The following CTSS variants were observed in gnomAD, a reference collection of about 807,000 sequenced individuals.
CTSS encodes the protein cathepsin S.
Under a neutral mutation model 39.9 loss-of-function variants are expected in CTSS, and 15 were observed. The ratio of observed to expected loss-of-function variants is 0.38; its 90% CI spans 0.25 to 0.58. The LOEUF is 0.58. Ranked by LOEUF, CTSS falls within the 20% of genes least tolerant of loss-of-function variation. CTSS has a pLI of 0.70. For synonymous variants in CTSS, 126 were observed against 138.2 expected (o/e 0.91, Z 0.62); for missense variants, 250 against 398.2 (o/e 0.63, Z 3.17).
chr1:150,760,102 A>C (rs1180181424), intron 2 of CTSS, among the ~76,000 whole-genome samples: 1 of 152,098 alleles, frequency 6.6e-6, no homozygotes, highest in East Asian at 1.9e-4. Context: ...AGGTTCATTC[A>C]TCCTGAGGGA....
At chr1:150,740,849 C>T (rs186226718) in intron 7 of CTSS, among the ~76,000 whole-genome samples, 33 of 151,912 alleles carry the variant, frequency 2.2e-4, no homozygotes, top group Admixed American at 1.9e-3. Flanking sequence ...TGTGTGTCAC[C>T]ATGCCTGGCT....
chr1:150,754,344 C>T (rs933237450), intron 4 of CTSS, among the ~76,000 whole-genome samples: 1 of 151,836 alleles, frequency 6.6e-6, no homozygotes, highest in Non-Finnish European at 1.5e-5. Flanking sequence ...GAACTCCTGA[C>T]CTCAAGTGAT....
At chr1:150,739,024 G>A (rs1015254377) in intron 7 of CTSS, among the ~76,000 whole-genome samples, 6 of 151,912 alleles carry the variant, frequency 3.9e-5, no homozygotes, top group Non-Finnish European at 7.4e-5. Context: ...GCGAAACCCC[G>A]TCTGTACTAA....
At chr1:150,759,791 C>T (rs1449283003) in intron 2 of CTSS, among the ~76,000 whole-genome samples, 1 of 152,096 alleles carries the variant, frequency 6.6e-6, no homozygotes, top group Non-Finnish European at 1.5e-5. Context: ...TTCCAATAAG[C>T]TGGAACCCCA....
At chr1:150,761,472 C>T (rs1653261213) in intron 2 of CTSS, among the ~76,000 whole-genome samples, 2 of 152,020 alleles carry the variant, frequency 1.3e-5, no homozygotes, top group South Asian at 4.1e-4. Context: ...TGGCTCACAC[C>T]TGTAATCCCA....
At chr1:150,755,320 A>C (rs1653098564) in intron 3 of CTSS, among the ~76,000 whole-genome samples, 170 bp from the exon 4 acceptor site, 1 of 152,240 alleles carries the variant, frequency 6.6e-6, no homozygotes, top group Non-Finnish European at 1.5e-5. Context: ...CATTGCTCCT[A>C]AACTACAAAC....
At chr1:150,751,569 T>C (rs1043586223) in intron 5 of CTSS, among the ~76,000 whole-genome samples, 4 of 152,210 alleles carry the variant, frequency 2.6e-5, no homozygotes, top group African/African-American at 4.8e-5. Flanking sequence ...TTTTTAAGCA[T>C]GAATGCTACT....
intron 5 of CTSS, among the ~76,000 whole-genome samples, chr1:150,751,035 T>C (rs929938069): frequency 4.6e-5 from 7 of 152,172 alleles, no homozygotes; most frequent in African/African-American, 1.7e-4. Context: ...AGTGATATTT[T>C]TATATTTTTA....
chr1:150,761,505 G>C (rs1485235116), intron 2 of CTSS, among the ~76,000 whole-genome samples: 1 of 152,170 alleles, frequency 6.6e-6, no homozygotes, highest in African/African-American at 2.4e-5. Context: ...GCCGAAGCAG[G>C]CAGATCACCT....
chr1:150,762,365 G>A (rs1249324663), intron 2 of CTSS, among the ~76,000 whole-genome samples: 2 of 152,184 alleles, frequency 1.3e-5, no homozygotes, highest in East Asian at 1.9e-4. Context: ...ACATTGGTCC[G>A]GGCAACGGTT....
chr1:150,741,179 T>C (rs1392393067), intron 7 of CTSS, among the ~76,000 whole-genome samples: 2 of 151,940 alleles, frequency 1.3e-5, no homozygotes, highest in Admixed American at 1.3e-4. Context: ...TTTTTTAAAT[T>C]TGTTTATAGA....
intron 7 of CTSS, among the ~76,000 whole-genome samples, chr1:150,739,932 G>A (rs1024467458): frequency 1.8e-4 from 27 of 152,148 alleles, no homozygotes; most frequent in African/African-American, 5.8e-4. Flanking sequence ...ATGCCACCTC[G>A]ATTTTAGCAT....
chr1:150,742,131 C>G (rs892287439), intron 7 of CTSS, among the ~76,000 whole-genome samples: 14 of 152,002 alleles, frequency 9.2e-5, no homozygotes, highest in Non-Finnish European at 5.9e-5. Context: ...GTGGCACATG[C>G]CTGTAGTCCC....
At chr1:150,733,566 A>G (rs1180540578) in intron 7 of CTSS, among the ~76,000 whole-genome samples, 1 of 152,208 alleles carries the variant, frequency 6.6e-6, no homozygotes, top group Non-Finnish European at 1.5e-5. Flanking sequence ...AGTGACTACT[A>G]TGAAAAAGGT....
At chr1:150,738,712 G>A (rs1215625075) in intron 7 of CTSS, among the ~76,000 whole-genome samples, 1 of 151,856 alleles carries the variant, frequency 6.6e-6, no homozygotes, top group Non-Finnish European at 1.5e-5. Flanking sequence ...TGGGATCAGT[G>A]ATCTTTAATA....
At chr1:150,735,576 G>A (rs1168445192) in intron 7 of CTSS, among the ~76,000 whole-genome samples, 6 of 151,970 alleles carry the variant, frequency 3.9e-5, no homozygotes, top group African/African-American at 1.4e-4. Context: ...ACCACTGGCT[G>A]TAGTGGGTTT....
At chr1:150,757,514 T>G (rs1329677806) in intron 3 of CTSS, among the ~76,000 whole-genome samples, 1 of 152,144 alleles carries the variant, frequency 6.6e-6, no homozygotes, top group African/African-American at 2.4e-5. Flanking sequence ...TGGGTCATAC[T>G]AAATTGTCAA....
intron 5 of CTSS, among the ~76,000 whole-genome samples, chr1:150,750,540 T>G (rs1480163631): frequency 6.6e-6 from 1 of 152,174 alleles, no homozygotes; most frequent in East Asian, 1.9e-4. Flanking sequence ...TGATGGTATA[T>G]AAAGACCATA....
At chr1:150,747,148 G>C (rs1652909044) in intron 7 of CTSS, among the ~76,000 whole-genome samples, 1 of 152,176 alleles carries the variant, frequency 6.6e-6, no homozygotes, top group Non-Finnish European at 1.5e-5. Context: ...TGGTTGCTTG[G>C]TTGGACTTGG....
Sources: gnomAD v4.1 joint callset for allele counts (sites outside exome capture counted in the v4.1 genomes callset) on GRCh38, gnomAD v4.1.1 for gene constraint, MANE v1.5 for transcripts, NCBI Gene and HGNC (gene_info 2026-07-23, HGNC 2026-07-21) for gene names.